Variants in ADARB1 observed in about 807,000 individuals in gnomAD.
The protein encoded by ADARB1 is adenosine deaminase RNA specific B1, also known as double-stranded RNA-specific editase 1.
ADARB1 carries 10 observed loss-of-function variants against 52.4 expected under a neutral mutation model. The observed-to-expected ratio is 0.19, with a 90% confidence interval of 0.12 to 0.32. The LOEUF (loss-of-function observed/expected upper bound fraction) is 0.32. ADARB1 is among the 10% of genes least tolerant of loss of function. The pLI, the probability that ADARB1 is intolerant of heterozygous loss-of-function variation, is 1.00. For synonymous variants in ADARB1, 349 were observed against 371.1 expected, an observed-to-expected ratio of 0.94 and a Z score of 0.68; for missense variants, 643 against 922.3, an observed-to-expected ratio of 0.70 and a Z score of 3.92.
At chr21:45,184,774 GTATGTGTATT>G in intron 7 of ADARB1, 139 bp from the exon 8 acceptor site, 1 of 910,700 alleles carries the variant, frequency 1.1e-6, no homozygotes, top group Non-Finnish European at 1.7e-6. Context: ...TACTTATTTT[GTATGTGTATT>G]TTGTATGTAT....
intron 1 of ADARB1, among the ~76,000 whole-genome samples, chr21:45,117,764 T>TA (rs2087913853): frequency 6.6e-6 from 1 of 152,172 alleles, no homozygotes; most frequent in South Asian, 2.1e-4. Context: ...CAGCACATGG[T>TA]AAAAAACACA....
At chr21:45,088,812 G>A (rs1460530271) in intron 1 of ADARB1, among the ~76,000 whole-genome samples, 2 of 152,222 alleles carry the variant, frequency 1.3e-5, no homozygotes, top group Admixed American at 6.5e-5. Flanking sequence ...GATGAGACAA[G>A]TTGCATCATA....
chr21:45,137,365 A>C (rs1481712645), intron 2 of ADARB1: 1 of 152,260 alleles, frequency 6.6e-6, no homozygotes, highest in Non-Finnish European at 1.5e-5. Flanking sequence ...TGGAAGACTG[A>C]TGACTGCTGA....
At chr21:45,122,779 C>T (rs1033648287) in intron 1 of ADARB1, among the ~76,000 whole-genome samples, 28 of 152,196 alleles carry the variant, frequency 1.8e-4, no homozygotes, top group African/African-American at 6.8e-4. Context: ...CCGTAGCTTG[C>T]GAGCTTGCCT....
At chr21:45,189,071 G>T (rs764373154) in intron 8 of ADARB1, among the ~76,000 whole-genome samples, 1 of 152,120 alleles carries the variant, frequency 6.6e-6, no homozygotes, top group Non-Finnish European at 1.5e-5. Flanking sequence ...GTAAAGACCT[G>T]CCCCTATGAT....
intron 1 of ADARB1, among the ~76,000 whole-genome samples, chr21:45,114,832 G>A (rs569357779): frequency 1.3e-5 from 2 of 152,346 alleles, no homozygotes; most frequent in South Asian, 2.1e-4. Flanking sequence ...CAGAGGGAAC[G>A]CTTGAGATGC....
rs2092990216 is a variant in ADARB1 at position 45,222,874 on chromosome 21, CTG to C, written c.*683_*684del. 14 of 985,504 alleles carry C rather than the reference CTG, an allele frequency of 1.4e-5. No individual in the cohort carries two copies. Among genetic ancestry groups the C allele is most frequent in the Non-Finnish European group, 1.7e-5 (14 of 829,976 alleles). 61.0% of individuals were successfully genotyped at this position (985,504 alleles called of 1,614,324 possible). On this transcript the variant is annotated 3_prime_UTR_variant, in exon 11 of 11. Transcript: ENST00000348831. ...TGCACATGGGGTCCCGCAGCAGTGA[CTG>C]TGTGTCCTGCAGAGGCGTGACCCAG...
chr21:45,114,167 G>A (rs967118250), intron 1 of ADARB1, among the ~76,000 whole-genome samples: 4 of 152,206 alleles, frequency 2.6e-5, no homozygotes, highest in African/African-American at 9.7e-5. Flanking sequence ...AGGCTTGGAG[G>A]TTGTTTTGGC....
At chr21:45,203,253 G>GT (rs1264935587) in intron 8 of ADARB1, among the ~76,000 whole-genome samples, 1 of 152,176 alleles carries the variant, frequency 6.6e-6, no homozygotes, top group African/African-American at 2.4e-5. Flanking sequence ...CTGCCCCCCA[G>GT]GCTGGGACAT....
At chr21:45,180,780 A>G (rs182770745) in intron 5 of ADARB1, among the ~76,000 whole-genome samples, 77 of 152,332 alleles carry the variant, frequency 5.1e-4, no homozygotes, top group African/African-American at 1.3e-3. Context: ...GAGCCTATCT[A>G]TTGTATCAGT....
At chr21:45,163,191 C>T (rs2091069937) in intron 2 of ADARB1, among the ~76,000 whole-genome samples, 1 of 152,228 alleles carries the variant, frequency 6.6e-6, no homozygotes, top group Non-Finnish European at 1.5e-5. Context: ...AAAGCCTTTT[C>T]ATTTACAAAT....
chr21:45,213,578 C>G (rs534394492), intron 9 of ADARB1, among the ~76,000 whole-genome samples: 2 of 152,258 alleles, frequency 1.3e-5, no homozygotes, highest in East Asian at 3.9e-4. Flanking sequence ...ATTCCCATCC[C>G]CAGTATGTAC....
chr21:45,221,977 A>G lies in ADARB1; in HGVS notation c.1927-41A>G, dbSNP rs1382236420. On this transcript the variant is annotated intron_variant, in intron 10 of 10. Transcript: ENST00000348831. The surrounding 1 kb of genome is among the most constrained non-coding windows in gnomAD (Gnocchi z 4.9). ...TTATTAGGTGTTGTTTTCATCTGTT[A>G]CAGCGTCAACAGTTGCATTTGTTTT... 1.3e-6 allele frequency: 2 copies of G among 1,590,864 alleles called. No homozygotes were observed. Among genetic ancestry groups the G allele is most frequent in the Non-Finnish European group, 1.7e-6 (2 of 1,161,096 alleles).
At chr21:45,082,462 G>T (rs2086190386) in intron 1 of ADARB1, among the ~76,000 whole-genome samples, 2 of 152,132 alleles carry the variant, frequency 1.3e-5, no homozygotes, top group African/African-American at 4.8e-5. Context: ...GTAATGCATT[G>T]TTTGTAAAAC....
In ADARB1 at chr21:45,089,732, T is replaced by G. The variant is rs551343696; in HGVS notation, c.-220+14939T>G. On this transcript the variant is annotated intron_variant, in intron 1 of 10. Transcript: ENST00000348831. ...GCCCTTTGCCCAGTTATCAGAAATATCACCTTTATCACTACTAAATGTTTT... is the reference window on the plus strand; with the variant it reads ...GCCCTTTGCCCAGTTATCAGAAATAGCACCTTTATCACTACTAAATGTTTT... 7.1e-4 allele frequency among the ~76,000 whole-genome samples: 108 copies of G among 152,384 alleles called. 2 individuals are homozygous for G. In the South Asian group the frequency reaches 0.022, roughly 31 times the overall value.
intron 1 of ADARB1, among the ~76,000 whole-genome samples, chr21:45,093,983 G>T (rs2123696608): frequency 6.6e-6 from 1 of 152,236 alleles, no homozygotes; most frequent in African/African-American, 2.4e-5. Flanking sequence ...ATTGATTGAG[G>T]TGATTGTGAT....
intron 2 of ADARB1, among the ~76,000 whole-genome samples, chr21:45,140,618 T>G (rs900652814): frequency 2.0e-5 from 3 of 152,090 alleles, no homozygotes; most frequent in Non-Finnish European, 4.4e-5. Context: ...CTTTACACCA[T>G]CTGTGTGTGT....
At chr21:45,134,127 A>C (rs546473250) in intron 2 of ADARB1, among the ~76,000 whole-genome samples, 1 of 106,160 alleles carries the variant, frequency 9.4e-6, no homozygotes, top group South Asian at 3.5e-4. Context: ...TGTGCGCCCG[A>C]CGGGGGTGTG....
At chr21:45,195,588 T>TA (rs777815305) in intron 8 of ADARB1, among the ~76,000 whole-genome samples, 9 of 152,046 alleles carry the variant, frequency 5.9e-5, no homozygotes, top group Non-Finnish European at 1.2e-4. Flanking sequence ...GTGAAGGGTG[T>TA]AAAACCTATG....
Sources: allele counts gnomAD v4.1 joint callset (sites outside exome capture counted in the v4.1 genomes callset), GRCh38; gene constraint gnomAD v4.1.1; non-coding constraint Gnocchi (gnomAD v3.1); transcripts MANE v1.5; gene names NCBI Gene and HGNC (gene_info 2026-07-23, HGNC 2026-07-21).